ST6GALNAC6: variants seen among roughly 807,000 people sequenced by gnomAD.
ST6GALNAC6 encodes alpha-N-acetylgalactosaminide alpha-2,6-sialyltransferase 6.
A neutral mutation model predicts 34.3 loss-of-function variants in ST6GALNAC6; 19 were observed. The ratio of observed to expected loss-of-function variants is 0.55; its 90% CI spans 0.39 to 0.81. The LOEUF (loss-of-function observed/expected upper bound fraction) is 0.81, where lower values mean the gene tolerates loss of function less well. Among genes scored for constraint, ST6GALNAC6 ranks in the 40% least tolerant of loss-of-function variants. The probability of loss-of-function intolerance (pLI) is 0.00; values close to 1 mark genes in which losing one functional copy is unlikely to be tolerated. For synonymous variants in ST6GALNAC6, 185 were observed against 182.1 expected, an observed-to-expected ratio of 1.02 and a Z score of -0.13; for missense variants, 377 against 467.7, an observed-to-expected ratio of 0.81 and a Z score of 1.79.
intron 3 of ST6GALNAC6, 76 bp from the exon 4 acceptor site, chr9:127,894,767 G>C (rs1353123665): frequency 1.4e-5 from 22 of 1,541,904 alleles, no homozygotes; most frequent in Non-Finnish European, 1.9e-5. Context: ...CACCTACCAT[G>C]CCTGGTTAAC....
rs1319843288 is a variant in ST6GALNAC6, at chr9:127,890,432, C to A, written c.704+205G>T. ...TATGCCAGGAGAAAGCCCTCTTGGA[C>A]AAACCAGGCCATGCAGAGCATGCTG... On this transcript the variant is annotated intron_variant, in intron 5 of 6. Transcript: ENST00000373146. This position sits in a 1 kb window ranked among gnomAD's most constrained non-coding sequence, Gnocchi z 4.3. Among the ~76,000 whole-genome samples the A allele has an allele frequency of 6.6e-6, 1 of 152,142 alleles. No individual in the cohort carries two copies. Among genetic ancestry groups the A allele is most frequent in the Non-Finnish European group, 1.5e-5 (1 of 68,012 alleles).
chr9:127,903,317 A>G (rs1167533333), upstream of ST6GALNAC6: 1 of 152,208 alleles, frequency 6.6e-6, no homozygotes. Flanking sequence ...TTTTAAAAAT[A>G]CATAACTATG....
rs1829855463 is a variant in ST6GALNAC6 at position 127,887,539 on chromosome 9, C to T, written c.757G>A (p.Val253Met). ...ACATGCACGTGGTCACACAACTCCA[C>T]CGCGATCACCATGGTAAACCAGCCT... ...STGWFTMVIA[V>M]ELCDHVHVYG... Residue 253 changes from valine to methionine, a missense_variant, in exon 6 of 7, where the codon GTG becomes ATG. Coordinates refer to ENST00000373146, the MANE Select transcript of ST6GALNAC6 (RefSeq NM_013443.5). The T allele has an allele frequency of 1.9e-6, 3 of 1,613,114 alleles. No homozygotes were observed. Among genetic ancestry groups the T allele is most frequent in the Non-Finnish European group, 8.5e-7 (1 of 1,179,546 alleles).
At chr9:127,906,222 T>G (rs891032132), upstream of ST6GALNAC6, among the ~76,000 whole-genome samples, 13 of 150,018 alleles carry the variant, frequency 8.7e-5, no homozygotes, top group African/African-American at 2.9e-4. Flanking sequence ...CAGTGCAAAA[T>G]GAAAATGCAA....
intron 2 of ST6GALNAC6, 48 bp downstream of exon 2, chr9:127,897,908 C>T (rs1271315126): frequency 3.1e-6 from 5 of 1,613,468 alleles, no homozygotes; most frequent in Non-Finnish European, 4.2e-6. Context: ...AGGCCATGGT[C>T]AGTACAGCAT....
chr9:127,899,767 C>T (rs1365628812), upstream of ST6GALNAC6: 2 of 615,126 alleles, frequency 3.3e-6, no homozygotes, highest in Non-Finnish European at 4.1e-6. Flanking sequence ...GTGAGCGCCT[C>T]GGTCACCCCA....
intron 5 of ST6GALNAC6, among the ~76,000 whole-genome samples, chr9:127,889,442 TTC>T (rs1342290672): frequency 5.9e-4 from 18 of 30,652 alleles, no homozygotes; most frequent in Non-Finnish European, 9.4e-4. Flanking sequence ...TCTCTTTTTT[TTC>T]TTTTTTTTTT....
chr9:127,896,116 C>A, intron 3 of ST6GALNAC6, 126 bp downstream of exon 3: 1 of 1,126,982 alleles, frequency 8.9e-7, no homozygotes, highest in Admixed American at 1.9e-5. Flanking sequence ...GCCTCCCAGG[C>A]ATGGGCAGCT....
At chr9:127,902,670 C>A (rs997656054), upstream of ST6GALNAC6, among the ~76,000 whole-genome samples, 1 of 143,518 alleles carries the variant, frequency 7.0e-6, no homozygotes, top group Non-Finnish European at 1.5e-5. Flanking sequence ...CTCACTGCAA[C>A]CTCTGCCTCC....
rs1588637533 is a variant in ST6GALNAC6 at position 127,890,021 on chromosome 9, T to G, written c.704+616A>C. ...ATCCTGGCTCACTGCAGCCTCAACC[T>G]CCCGGGCTCAAGTCATCCTCCTGCC... On this transcript the variant is annotated intron_variant, in intron 5 of 6. Coordinates refer to ENST00000373146, the MANE Select transcript of ST6GALNAC6 (RefSeq NM_013443.5). This position sits in a 1 kb window ranked among gnomAD's most constrained non-coding sequence, Gnocchi z 4.3. Among the ~76,000 whole-genome samples, 1 of 152,126 alleles carries G rather than the reference T, an allele frequency of 6.6e-6. No homozygotes were observed. The highest frequency in any genetic ancestry group is 6.5e-5 in the Admixed American group (1 of 15,276).
In ST6GALNAC6 at chr9:127,890,069, C is replaced by A. The variant is rs1200443128; in HGVS notation, c.704+568G>T. Among the ~76,000 whole-genome samples the A allele has an allele frequency of 6.6e-6, 1 of 152,150 alleles. No individual in the cohort carries two copies. Among genetic ancestry groups the A allele is most frequent in the Non-Finnish European group, 1.5e-5 (1 of 68,026 alleles). On this transcript the variant is annotated intron_variant, in intron 5 of 6. Coordinates refer to ENST00000373146, the MANE Select transcript of ST6GALNAC6 (RefSeq NM_013443.5). This position sits in a 1 kb window ranked among gnomAD's most constrained non-coding sequence, Gnocchi z 4.3. ...GCCTCAGCCTCCTGAGTAGCTAGGA[C>A]TACAGGTACAAGCCACCGCACACAG... is the stretch of plus-strand genomic sequence containing the variant.
chr9:127,892,065 C>T (rs749626740), intron 4 of ST6GALNAC6, among the ~76,000 whole-genome samples: 3 of 152,270 alleles, frequency 2.0e-5, no homozygotes, highest in Non-Finnish European at 4.4e-5. Context: ...GCAGGAGAAT[C>T]GCTTGAACCC....
At chr9:127,888,770 C>T (rs926722607) in intron 5 of ST6GALNAC6, among the ~76,000 whole-genome samples, 2 of 152,066 alleles carry the variant, frequency 1.3e-5, no homozygotes, top group African/African-American at 4.8e-5. Flanking sequence ...TGTGCCACTG[C>T]ACTCCAGCCT....
At chr9:127,903,258 A>C (rs1564497035), upstream of ST6GALNAC6, 1 of 151,980 alleles carries the variant, frequency 6.6e-6, no homozygotes, top group Non-Finnish European at 1.5e-5. Flanking sequence ...CGGCCTCCTA[A>C]AGTGCTGGGA....
At chr9:127,899,437 CCCT>C in intron 1 of ST6GALNAC6, 63 bp downstream of exon 1, 4 of 762,044 alleles carry the variant, frequency 5.2e-6, no homozygotes, top group Non-Finnish European at 4.8e-6. Flanking sequence ...TCTCCCGGCG[CCCT>C]CCGCCCCAGC....
chr9:127,887,425 C>T (rs1380328063), intron 6 of ST6GALNAC6, 59 bp downstream of exon 6: 1 of 1,448,666 alleles, frequency 6.9e-7, no homozygotes, highest in African/African-American at 1.4e-5. Context: ...CCCTAGAGCT[C>T]CATCCTGCGG....
At chr9:127,901,010 A>C (rs1299081481), upstream of ST6GALNAC6, among the ~76,000 whole-genome samples, 6 of 151,128 alleles carry the variant, frequency 4.0e-5, no homozygotes, top group South Asian at 2.1e-4. Context: ...AAAAAAAAAA[A>C]AAAAAAAAAA....
intron 4 of ST6GALNAC6, 93 bp downstream of exon 4, chr9:127,894,419 C>A: frequency 6.8e-7 from 1 of 1,481,420 alleles, no homozygotes; most frequent in Non-Finnish European, 9.1e-7. Flanking sequence ...AGGGCCTTGA[C>A]TCTCAGGGTC....
At chr9:127,900,991 C>CAAAAAAAAAAAAAAAAAAAAAAAA (rs56673204), upstream of ST6GALNAC6, among the ~76,000 whole-genome samples, 3 of 61,006 alleles carry the variant, frequency 4.9e-5, no homozygotes, top group African/African-American at 2.1e-4. Context: ...AACTCCCTAT[C>CAAAAAAAAAAAAAAAAAAAAAAAA]AAAAAAAAAA....
Sources: gnomAD v4.1 joint callset for allele counts (sites outside exome capture counted in the v4.1 genomes callset) on GRCh38, gnomAD v4.1.1 for gene constraint, Gnocchi (gnomAD v3.1) non-coding constraint, MANE v1.5 for transcripts, NCBI Gene and HGNC (gene_info 2026-07-23, HGNC 2026-07-21) for gene names.